DPH6: variants seen among roughly 807,000 people sequenced by gnomAD.
The protein encoded by DPH6 is diphthamine biosynthesis 6, also known as diphthine--ammonia ligase.
Under a neutral mutation model 38.2 loss-of-function variants are expected in DPH6, and 33 were observed. The observed-to-expected ratio is 0.86, with a 90% CI of 0.65 to 1.15. The LOEUF (loss-of-function observed/expected upper bound fraction) is 1.15, where lower values mean the gene tolerates loss of function less well. DPH6 is among the 50% of genes most tolerant of loss of function. The pLI, the probability that DPH6 is intolerant of heterozygous loss-of-function variation, is 0.00. For missense variants in DPH6, 325 were observed against 320.0 expected (o/e 1.02, Z -0.12); for synonymous variants, 108 against 103.0 (o/e 1.05, Z -0.30).
intron 3 of DPH6, among the ~76,000 whole-genome samples, chr15:35,514,774 A>G (rs2141223328): frequency 6.6e-6 from 1 of 152,312 alleles, no homozygotes; most frequent in East Asian, 1.9e-4. Flanking sequence ...TTATTTCAAG[A>G]TATTAATCAA....
chr15:35,436,414 C>T (rs186491465), intron 5 of DPH6, among the ~76,000 whole-genome samples: 2 of 151,280 alleles, frequency 1.3e-5, no homozygotes, highest in Admixed American at 1.3e-4. Flanking sequence ...TGCAATGAGC[C>T]GAGATGGCGC....
intron 3 of DPH6, among the ~76,000 whole-genome samples, chr15:35,221,338 T>G (rs2051440964): frequency 6.6e-6 from 1 of 152,032 alleles, no homozygotes; most frequent in South Asian, 2.1e-4. Flanking sequence ...ACTAAGAACT[T>G]CCCTGACAGG....
At chr15:35,383,701 T>C (rs989452673) in intron 6 of DPH6, among the ~76,000 whole-genome samples, 4 of 152,150 alleles carry the variant, frequency 2.6e-5, no homozygotes, top group Non-Finnish European at 2.9e-5. Context: ...AACCAGGAAA[T>C]AGTATGACTA....
intron 3 of DPH6, among the ~76,000 whole-genome samples, chr15:35,236,014 T>C (rs2051548663): frequency 6.6e-6 from 1 of 152,210 alleles, no homozygotes. Flanking sequence ...TAAGATGGAA[T>C]TGAAGAACAA....
At chr15:35,527,633 A>G (rs938719337) in intron 3 of DPH6, among the ~76,000 whole-genome samples, 2 of 152,138 alleles carry the variant, frequency 1.3e-5, no homozygotes, top group African/African-American at 2.4e-5. Flanking sequence ...CAGGAAAGAG[A>G]TATCATGCAA....
chr15:35,195,190 T>G, the DPH6 span, among the ~76,000 whole-genome samples: 1 of 152,206 alleles, frequency 6.6e-6, no homozygotes, highest in African/African-American at 2.4e-5. Flanking sequence ...GTGCCTGGCT[T>G]TTTTTACTTA....
chr15:35,213,937 C>A (rs2051400112), downstream of DPH6, among the ~76,000 whole-genome samples: 1 of 152,128 alleles, frequency 6.6e-6, no homozygotes, highest in South Asian at 2.1e-4. Context: ...ACGGTGAAAC[C>A]CCGTCTCTAT....
the DPH6 span, among the ~76,000 whole-genome samples, chr15:35,148,208 CA>C: frequency 6.6e-6 from 1 of 152,076 alleles, no homozygotes; most frequent in African/African-American, 2.4e-5. Flanking sequence ...CTATTTCTGC[CA>C]CCTCTTTTAA....
chr15:35,237,434 C>T lies in DPH6; in HGVS notation n.201-16852G>A, dbSNP rs1461500410. Reference sequence around the variant, plus strand: ...GTCGAATGAAGGCAAACTCGAAGGCCTCACAGATGAATCTGAATAACTGGA... The same window carrying T: ...GTCGAATGAAGGCAAACTCGAAGGCTTCACAGATGAATCTGAATAACTGGA... On this transcript the variant is annotated intron_variant and non_coding_transcript_variant, in intron 3 of 3. Coordinates refer to the DPH6 transcript ENST00000560386. 3.7e-6 allele frequency: 6 copies of T among 1,605,530 alleles called. No homozygotes were observed. The East Asian group carries it at 8.9e-5, about 24-fold the overall frequency.
intron 3 of DPH6, chr15:35,298,996 C>A: frequency 1.3e-6 from 1 of 748,982 alleles, no homozygotes; most frequent in Non-Finnish European, 2.4e-6. Context: ...GAATCCGGAT[C>A]TGAACTCCTT....
In DPH6 at chr15:35,268,679, T is replaced by C. The variant is rs374078906; in HGVS notation, n.201-48097A>G. Among the ~76,000 whole-genome samples, 22 of 151,706 alleles carry C rather than the reference T, an allele frequency of 1.5e-4. 4 individuals carry two copies. Among genetic ancestry groups the C allele is most frequent in the East Asian group, 7.7e-4 (4 of 5,174 alleles). ...TTGAAAACATAAGATTAAAAGGAAG[T>C]TAAACATGAAGTCATGTTACAGAAC... On this transcript the variant is annotated intron_variant and non_coding_transcript_variant, in intron 3 of 3. Coordinates refer to the DPH6 transcript ENST00000560386.
chr15:35,471,875 T>C (rs16961045), intron 3 of DPH6, among the ~76,000 whole-genome samples: 16,445 of 152,262 alleles, frequency 0.11, 1,330 homozygotes, highest in African/African-American at 0.24. Context: ...AGCATCCACA[T>C]AGTGTGCAGT....
At chr15:35,277,680 A>G (rs982692768) in intron 3 of DPH6, among the ~76,000 whole-genome samples, 1 of 152,188 alleles carries the variant, frequency 6.6e-6, no homozygotes. Context: ...TGGACAGTGA[A>G]GTCCAAGCTG....
At chr15:35,206,283 C>T in the DPH6 span, among the ~76,000 whole-genome samples, 1 of 152,106 alleles carries the variant, frequency 6.6e-6, no homozygotes. Flanking sequence ...AGCGTTAACC[C>T]TTCTTCAAAT....
chr15:35,277,941 T>C (rs2051870252), intron 3 of DPH6, among the ~76,000 whole-genome samples: 1 of 152,106 alleles, frequency 6.6e-6, no homozygotes, highest in Non-Finnish European at 1.5e-5. Context: ...AAGTTGGAAT[T>C]CATATTTAAA....
the DPH6 span, among the ~76,000 whole-genome samples, chr15:35,196,414 T>C: frequency 3.8e-4 from 58 of 152,294 alleles, no homozygotes; most frequent in African/African-American, 1.4e-3. Context: ...TTAAAGCCAG[T>C]AGAGTTCGGA....
chr15:35,197,392 G>A, the DPH6 span, among the ~76,000 whole-genome samples: 1 of 152,176 alleles, frequency 6.6e-6, no homozygotes, highest in Non-Finnish European at 1.5e-5. Flanking sequence ...GGCCAATCAT[G>A]TAGAATTTTA....
At chr15:35,360,292 T>G (rs2052602929) in intron 3 of DPH6, among the ~76,000 whole-genome samples, 1 of 151,846 alleles carries the variant, frequency 6.6e-6, no homozygotes, top group Non-Finnish European at 1.5e-5. Context: ...AAGGGCCTGT[T>G]ACTGCGGGCA....
intron 3 of DPH6, among the ~76,000 whole-genome samples, chr15:35,467,009 A>G (rs549459321): frequency 1.8e-4 from 27 of 152,320 alleles, no homozygotes; most frequent in African/African-American, 6.3e-4. Flanking sequence ...ACACTAATGT[A>G]GATTATAAAC....
Sources: gnomAD v4.1 joint callset for allele counts (sites outside exome capture counted in the v4.1 genomes callset) on GRCh38, gnomAD v4.1.1 for gene constraint, MANE v1.5 for transcripts, NCBI Gene and HGNC (gene_info 2026-07-23, HGNC 2026-07-21) for gene names.